The following SMARCAD1 variants were observed in gnomAD, a reference collection of about 807,000 sequenced individuals.
The protein encoded by SMARCAD1 is SWI/SNF-related matrix-associated actin-dependent regulator of chromatin subfamily A containing DEAD/H box 1.
A neutral mutation model predicts 127.1 loss-of-function variants in SMARCAD1; 25 were observed. That is an observed-to-expected ratio of 0.20 (90% confidence interval 0.14 to 0.27). SMARCAD1 has a LOEUF of 0.27. SMARCAD1 is among the 10% of genes least tolerant of loss of function. The pLI is 1.00. For synonymous variants in SMARCAD1, 400 were observed against 396.9 expected (o/e 1.01, Z -0.09); for missense variants, 807 against 1,206.0 (o/e 0.67, Z 4.90).
intron 2 of SMARCAD1, among the ~76,000 whole-genome samples, chr4:94,222,839 C>T (rs886894404): frequency 1.3e-5 from 2 of 152,024 alleles, no homozygotes; most frequent in African/African-American, 2.4e-5. Flanking sequence ...GGGCAGGCAC[C>T]TGTAATCCCA....
At chr4:94,276,539 G>A in intron 15 of SMARCAD1, 65 bp downstream of exon 15, 5 of 1,555,432 alleles carry the variant, frequency 3.2e-6, no homozygotes, top group Non-Finnish European at 1.8e-6. Context: ...TTTAATATAT[G>A]TAGTATTTAT....
chr4:94,268,402 G>A (rs1752056306), intron 10 of SMARCAD1, among the ~76,000 whole-genome samples: 2 of 152,068 alleles, frequency 1.3e-5, no homozygotes, highest in African/African-American at 4.8e-5. Flanking sequence ...TTTGTGATAG[G>A]TTGTATGTTG....
chr4:94,243,679 ATAG>A (rs1179821292), intron 6 of SMARCAD1, among the ~76,000 whole-genome samples: 1 of 152,214 alleles, frequency 6.6e-6, no homozygotes, highest in Non-Finnish European at 1.5e-5. Flanking sequence ...TCCATGAGAA[ATAG>A]TAGGTGATCA....
In SMARCAD1 at chr4:94,245,628, A is replaced by T. The variant is rs188540040; in HGVS notation, c.706-4026A>T. On this transcript the variant is annotated intron_variant, in intron 6 of 23. Transcript: ENST00000354268. ...ATTTTCAGATAACCTGTTTTTTGCC[A>T]CTTTACAATAACTCGTAAGCTGTAA... 5.0e-3 allele frequency among the ~76,000 whole-genome samples: 758 copies of T among 152,338 alleles called. 6 individuals carry two copies. Among genetic ancestry groups the T allele is most frequent in the African/African-American group, 0.017 (702 of 41,576 alleles).
At chr4:94,277,983 C>T (rs1753533986) in intron 16 of SMARCAD1, among the ~76,000 whole-genome samples, 1 of 152,158 alleles carries the variant, frequency 6.6e-6, no homozygotes. Context: ...GCACTATTCC[C>T]CATTTTTAGA....
intron 5 of SMARCAD1, among the ~76,000 whole-genome samples, chr4:94,239,546 C>T (rs1747253133): frequency 1.3e-5 from 2 of 148,704 alleles, no homozygotes; most frequent in South Asian, 4.2e-4. Context: ...CGGAGTCTCT[C>T]TAGCTGCCCT....
intron 10 of SMARCAD1, 165 bp from the exon 11 acceptor site, chr4:94,270,563 C>A: frequency 3.4e-6 from 2 of 583,916 alleles, no homozygotes; most frequent in East Asian, 3.1e-5. Context: ...TCTGAAAAAT[C>A]ATTTATGTCT....
At chr4:94,209,943 GCTT>G (rs1741931361) in intron 2 of SMARCAD1, among the ~76,000 whole-genome samples, 1 of 152,148 alleles carries the variant, frequency 6.6e-6, no homozygotes. Flanking sequence ...AGAAGCTTCT[GCTT>G]CTTCATTTTT....
intron 22 of SMARCAD1, among the ~76,000 whole-genome samples, chr4:94,283,920 G>C (rs1754471191): frequency 6.6e-6 from 1 of 152,136 alleles, no homozygotes; most frequent in Non-Finnish European, 1.5e-5. Context: ...AGACAAACTT[G>C]GTAATATACA....
At chr4:94,216,336 T>A (rs933383165) in intron 2 of SMARCAD1, among the ~76,000 whole-genome samples, 2 of 152,170 alleles carry the variant, frequency 1.3e-5, no homozygotes, top group African/African-American at 4.8e-5. Context: ...TAGAAAAATT[T>A]TAGATTTTTA....
At chr4:94,255,428 T>A (rs929732260) in intron 9 of SMARCAD1, among the ~76,000 whole-genome samples, 1 of 152,076 alleles carries the variant, frequency 6.6e-6, no homozygotes, top group Non-Finnish European at 1.5e-5. Context: ...ATCATTAGTA[T>A]TTCATTGTCT....
At chr4:94,224,097 G>A (rs1486614182) in intron 2 of SMARCAD1, among the ~76,000 whole-genome samples, 2 of 152,066 alleles carry the variant, frequency 1.3e-5, no homozygotes, top group African/African-American at 2.4e-5. Flanking sequence ...TTATTACTTT[G>A]TGTATGATGA....
intron 21 of SMARCAD1, 78 bp downstream of exon 21, chr4:94,281,668 A>G: frequency 1.1e-6 from 1 of 944,418 alleles, no homozygotes; most frequent in Non-Finnish European, 1.7e-6. Flanking sequence ...CTAACAAACA[A>G]TTGATAGTAT....
intron 9 of SMARCAD1, among the ~76,000 whole-genome samples, chr4:94,261,283 C>T (rs977122608): frequency 1.4e-4 from 22 of 152,252 alleles, no homozygotes; most frequent in Middle Eastern, 6.8e-3. Flanking sequence ...CTTCACAGTA[C>T]ACATTTTACT....
intron 16 of SMARCAD1, among the ~76,000 whole-genome samples, chr4:94,277,550 T>C (rs941223308): frequency 4.6e-5 from 7 of 152,150 alleles, no homozygotes; most frequent in African/African-American, 1.4e-4. Context: ...ATCCAGAAAA[T>C]GCCTATGCTG....
chr4:94,282,081 CA>C (rs1754115753), intron 21 of SMARCAD1, among the ~76,000 whole-genome samples: 1 of 135,360 alleles, frequency 7.4e-6, no homozygotes, highest in Non-Finnish European at 1.5e-5. Flanking sequence ...TTCTGAATTA[CA>C]TGCAAATACG....
At chr4:94,275,055 A>G in intron 14 of SMARCAD1, 90 bp downstream of exon 14, 4 of 928,148 alleles carry the variant, frequency 4.3e-6, no homozygotes, top group Non-Finnish European at 7.1e-6. Flanking sequence ...AGGAAAGTTT[A>G]TGCTGTTAAC....
intron 10 of SMARCAD1, among the ~76,000 whole-genome samples, chr4:94,265,148 T>C (rs1751546586): frequency 6.6e-6 from 1 of 151,942 alleles, no homozygotes; most frequent in African/African-American, 2.4e-5. Flanking sequence ...TATGATACTA[T>C]ATGACCAGTG....
At chr4:94,275,796 C>CTTTTTTTTTTTTTTTTTTTTTTTTTTTTT (rs535710589) in intron 14 of SMARCAD1, among the ~76,000 whole-genome samples, 3 of 85,412 alleles carry the variant, frequency 3.5e-5, no homozygotes, top group African/African-American at 1.1e-4. Flanking sequence ...TTAACATTTT[C>CTTTTTTTTTTTTTTTTTTTTTTTTTTTTT]TTTTTTTTTT....
Sources: gnomAD v4.1 joint callset for allele counts (sites outside exome capture counted in the v4.1 genomes callset) on GRCh38, gnomAD v4.1.1 for gene constraint, MANE v1.5 for transcripts, NCBI Gene and HGNC (gene_info 2026-07-23, HGNC 2026-07-21) for gene names.